SLC35D2: variants seen among roughly 807,000 people sequenced by gnomAD.
SLC35D2 encodes solute carrier family 35 member D2.
Under a neutral mutation model 41.8 loss-of-function variants are expected in SLC35D2, and 43 were observed. That is an observed-to-expected ratio of 1.03 (90% CI 0.81 to 1.33). SLC35D2 has a LOEUF of 1.33. Among genes scored for constraint, SLC35D2 ranks in the 40% most tolerant of loss-of-function variants. The pLI is 0.00. For missense variants in SLC35D2, 380 were observed against 408.4 expected (o/e 0.93, Z 0.60); for synonymous variants, 150 against 163.9 (o/e 0.92, Z 0.65).
At chr9:96,323,973 G>A in intron 10 of SLC35D2, 118 bp downstream of exon 10, 1 of 794,670 alleles carries the variant, frequency 1.3e-6, no homozygotes, top group Non-Finnish European at 2.1e-6. Context: ...AGCTGAAAAG[G>A]TCACAGCCCT....
chr9:96,333,594 CAAAAAAAA>C (rs573718212), intron 9 of SLC35D2, among the ~76,000 whole-genome samples: 51 of 68,752 alleles, frequency 7.4e-4, no homozygotes, highest in South Asian at 4.8e-3. Context: ...GACTCCGTCT[CAAAAAAAA>C]AAAAAAAAAA....
intron 1 of SLC35D2, among the ~76,000 whole-genome samples, chr9:96,382,361 G>A (rs910033859): frequency 6.6e-6 from 1 of 151,884 alleles, no homozygotes; most frequent in East Asian, 1.9e-4. Flanking sequence ...GGCTGCAGCA[G>A]AAGGATTGCT....
At chr9:96,383,450 A>ACCC in intron 1 of SLC35D2, 27 bp downstream of exon 1, 1 of 1,497,376 alleles carries the variant, frequency 6.7e-7, no homozygotes, top group Non-Finnish European at 8.9e-7. Flanking sequence ...ACTCCCGCAG[A>ACCC]CCCCCCGGCC....
chr9:96,379,588 G>T (rs559492762), intron 1 of SLC35D2, among the ~76,000 whole-genome samples: 3 of 152,218 alleles, frequency 2.0e-5, no homozygotes, highest in East Asian at 3.9e-4. Context: ...CTACCAAAAG[G>T]TCCTTTCTTC....
chr9:96,368,716 T>TTA (rs949265404), intron 1 of SLC35D2, among the ~76,000 whole-genome samples: 4 of 148,740 alleles, frequency 2.7e-5, no homozygotes, highest in African/African-American at 9.9e-5. Flanking sequence ...TATATATATA[T>TTA]TATATATATT....
intron 9 of SLC35D2, among the ~76,000 whole-genome samples, chr9:96,331,083 A>G (rs954223850): frequency 1.1e-4 from 16 of 152,278 alleles, no homozygotes; most frequent in African/African-American, 3.9e-4. Context: ...TATTTAGTAG[A>G]GACAGGGTTT....
intron 8 of SLC35D2, among the ~76,000 whole-genome samples, chr9:96,337,831 A>C (rs1829116526): frequency 6.6e-6 from 1 of 151,562 alleles, no homozygotes; most frequent in Non-Finnish European, 1.5e-5. Flanking sequence ...AAAATACAAA[A>C]ATTAGCCAGG....
At chr9:96,357,663 C>T (rs1186929726) in intron 4 of SLC35D2, 2 of 152,134 alleles carry the variant, frequency 1.3e-5, no homozygotes, top group Non-Finnish European at 2.9e-5. Context: ...TATGACCCTT[C>T]AGTTAGGCAA....
At chr9:96,322,717 G>GTTTTTTTTTTTTTTTT (rs57493593) in intron 10 of SLC35D2, among the ~76,000 whole-genome samples, 1 of 111,406 alleles carries the variant, frequency 9.0e-6, no homozygotes, top group Non-Finnish European at 1.7e-5. Flanking sequence ...GTTTTCTGGG[G>GTTTTTTTTTTTTTTTT]TTTTTTTTTT....
At chr9:96,361,314 T>A (rs375476625) in intron 3 of SLC35D2, among the ~76,000 whole-genome samples, 16 of 152,240 alleles carry the variant, frequency 1.1e-4, no homozygotes, top group African/African-American at 3.4e-4. Flanking sequence ...TATTTGGAGA[T>A]GAGGTCTTAA....
intron 10 of SLC35D2, 124 bp downstream of exon 10, chr9:96,323,967 G>T: frequency 1.4e-6 from 1 of 735,248 alleles, no homozygotes; most frequent in South Asian, 1.7e-5. Context: ...AGGCCGAGCT[G>T]AAAAGGTCAC....
At chr9:96,347,599 G>A (rs936911996) in intron 6 of SLC35D2, among the ~76,000 whole-genome samples, 1 of 151,964 alleles carries the variant, frequency 6.6e-6, no homozygotes, top group African/African-American at 2.4e-5. Flanking sequence ...GGCTGGTCTC[G>A]AACTCCTGGG....
Position 96,360,166 on chromosome 9 carries a change from G to A in SLC35D2, c.335C>T (p.Thr112Ile). The stretch of plus-strand genomic sequence containing the variant: ...TCCTATACTCTACCTTAATTTACTT[G>A]TGCTTGATAATCCACTTATGTGGTT... ...VGNHISGLSS[T>I]SKLSLPMFTV... Residue 112 changes from threonine to isoleucine, a missense_variant, in exon 4 of 12, where the codon ACA (threonine) becomes ATA (isoleucine). By Grantham distance (89) the Thr-to-Ile change is moderately conservative. Transcript: ENST00000253270. 17 of 1,612,218 alleles carry A rather than the reference G, an allele frequency of 1.1e-5. No homozygotes were observed. Among genetic ancestry groups the A allele is most frequent in the Non-Finnish European group, 1.4e-5 (17 of 1,178,670 alleles).
intron 9 of SLC35D2, among the ~76,000 whole-genome samples, chr9:96,331,843 CAA>C (rs1192252154): frequency 6.6e-6 from 1 of 152,222 alleles, no homozygotes; most frequent in Non-Finnish European, 1.5e-5. Context: ...CATAGAAGCG[CAA>C]ACCCTATTGT....
At chr9:96,353,843 C>A (rs1220050571) in intron 4 of SLC35D2, among the ~76,000 whole-genome samples, 1 of 152,204 alleles carries the variant, frequency 6.6e-6, no homozygotes, top group African/African-American at 2.4e-5. Context: ...CAGCCCATCT[C>A]CACCTGCTTC....
intron 8 of SLC35D2, among the ~76,000 whole-genome samples, chr9:96,341,922 T>C (rs1390686127): frequency 7.1e-6 from 1 of 141,684 alleles, no homozygotes; most frequent in Non-Finnish European, 1.5e-5. Flanking sequence ...TAGGAGTTTC[T>C]AGATTTATAT....
Position 96,348,290 on chromosome 9 carries a change from G to T in SLC35D2, c.488+2813C>A, listed in dbSNP as rs567054374. ...AGAGAAGGTGACACGTCACTTCTGG[G>T]TGAAACCTTTAAGAGCCAGTGCATA... is the stretch of plus-strand genomic sequence containing the variant. On this transcript the variant is annotated intron_variant, in intron 6 of 11. Transcript: ENST00000253270. Among the ~76,000 whole-genome samples the T allele has an allele frequency of 2.4e-4, 37 of 152,316 alleles. 1 individual carries two copies. The South Asian group carries it at 7.0e-3, about 29-fold the overall frequency.
At chr9:96,326,805 C>CAA (rs373966865) in intron 9 of SLC35D2, among the ~76,000 whole-genome samples, 18,125 of 105,454 alleles carry the variant, frequency 0.17, 1,450 homozygotes, top group East Asian at 0.38. Context: ...GACTCTGTCT[C>CAA]AAAAAAAAAA....
chr9:96,373,701 A>C (rs957403772), intron 1 of SLC35D2, among the ~76,000 whole-genome samples: 3 of 150,710 alleles, frequency 2.0e-5, no homozygotes, highest in African/African-American at 7.3e-5. Flanking sequence ...AAAAAAAAAA[A>C]ACAATTTGAG....
Sources: allele counts gnomAD v4.1 joint callset (sites outside exome capture counted in the v4.1 genomes callset), GRCh38; gene constraint gnomAD v4.1.1; transcripts MANE v1.5; gene names NCBI Gene and HGNC (gene_info 2026-07-23, HGNC 2026-07-21).